The following AUTS2 variants were observed in gnomAD, a reference collection of about 807,000 sequenced individuals.
AUTS2 encodes the protein autism susceptibility gene 2 protein.
In AUTS2, 17 loss-of-function variants were observed where a neutral mutation model predicts 112.4. The ratio of observed to expected loss-of-function variants is 0.15; its 90% CI spans 0.10 to 0.23. AUTS2 has a LOEUF of 0.23. Among genes scored for constraint, AUTS2 ranks in the 10% least tolerant of loss-of-function variants. The probability of loss-of-function intolerance (pLI) is 1.00; values close to 1 mark genes in which losing one functional copy is unlikely to be tolerated. For missense variants in AUTS2, 1,510 were observed against 1,701.6 expected, an observed-to-expected ratio of 0.89 and a Z score of 1.98; for synonymous variants, 751 against 702.7, an observed-to-expected ratio of 1.07 and a Z score of -1.09.
intron 4 of AUTS2, among the ~76,000 whole-genome samples, chr7:70,259,686 T>A (rs1262900465): frequency 6.6e-6 from 1 of 152,224 alleles, no homozygotes; most frequent in Non-Finnish European, 1.5e-5. Context: ...AGGGATGGGC[T>A]GAAAAGAATA....
At position 70,214,478 on chromosome 7, in the gene AUTS2, A is replaced by G. The variant is rs574028250; in HGVS notation, c.660+79907A>G. Among the ~76,000 whole-genome samples, 29 of 152,344 alleles carry G rather than the reference A, an allele frequency of 1.9e-4. No homozygotes were observed. The South Asian group carries it at 5.4e-3, about 28-fold the overall frequency. The stretch of plus-strand genomic sequence containing the variant: ...TAATAAACAGTGTTGCATACAACAC[A>G]TGTTCCACAAAACACTCAGTCACAC... On this transcript the variant is annotated intron_variant, in intron 4 of 18. Transcript: ENST00000342771.
At chr7:70,315,352 T>C (rs531016782) in intron 4 of AUTS2, among the ~76,000 whole-genome samples, 7 of 152,338 alleles carry the variant, frequency 4.6e-5, no homozygotes, top group African/African-American at 1.4e-4. Context: ...AAATCCTTGC[T>C]CCACTACTTA....
intron 14 of AUTS2, among the ~76,000 whole-genome samples, 196 bp downstream of exon 14, chr7:70,777,370 C>A (rs1413741787): frequency 6.6e-6 from 1 of 152,108 alleles, no homozygotes; most frequent in Non-Finnish European, 1.5e-5. Flanking sequence ...ACTCTGTTGC[C>A]CAGGCTGGAG....
intron 2 of AUTS2, among the ~76,000 whole-genome samples, chr7:70,066,623 C>A (rs1391410945): frequency 6.6e-6 from 1 of 151,178 alleles, no homozygotes; most frequent in Non-Finnish European, 1.5e-5. Flanking sequence ...TCACTGCACT[C>A]CGTCTCCCGG....
chr7:70,627,258 G>A (rs895091257), intron 5 of AUTS2, among the ~76,000 whole-genome samples: 45 of 152,172 alleles, frequency 3.0e-4, no homozygotes, highest in African/African-American at 8.7e-4. Flanking sequence ...TTTCTCTGTT[G>A]ACTAGTGATG....
rs558327208 is a variant in AUTS2 at position 69,899,624 on chromosome 7, A to T, written c.522+126A>T. 10 of 875,644 alleles carry T rather than the reference A, an allele frequency of 1.1e-5. No homozygotes were observed. The East Asian group carries it at 1.8e-4, about 16-fold the overall frequency. 54.2% of individuals were successfully genotyped at this position (875,644 alleles called of 1,614,324 possible). A position where few individuals can be genotyped will look rare whatever the true frequency, so the allele number is the denominator to read the frequency against. On this transcript the variant is annotated intron_variant, in intron 2 of 18. Coordinates refer to ENST00000342771, the MANE Select transcript of AUTS2 (RefSeq NM_015570.4). ...GGTGGGATGCTGAAGTGGTTGTCCA[A>T]CAAAGCTGTGTGCGTGCCTTTAAAA... is the stretch of plus-strand genomic sequence containing the variant.
intron 1 of AUTS2, among the ~76,000 whole-genome samples, chr7:69,678,565 G>A (rs763808826): frequency 6.6e-6 from 1 of 152,230 alleles, no homozygotes; most frequent in Non-Finnish European, 1.5e-5. Context: ...CAGACAGGCT[G>A]AACTGGTGCT....
At chr7:69,669,935 A>T (rs1310447648) in intron 1 of AUTS2, among the ~76,000 whole-genome samples, 1 of 152,190 alleles carries the variant, frequency 6.6e-6, no homozygotes, top group African/African-American at 2.4e-5. Flanking sequence ...CTGCTTTCAC[A>T]GCCTGGCGAC....
chr7:70,107,459 T>G (rs1804830137), intron 2 of AUTS2, among the ~76,000 whole-genome samples: 1 of 147,262 alleles, frequency 6.8e-6, no homozygotes, highest in Non-Finnish European at 1.5e-5. Flanking sequence ...TTCTCCTGCC[T>G]CAGCCTCCCG....
rs936662892 is a variant in AUTS2, at chr7:70,142,243, C to T, written c.660+7672C>T. On this transcript the variant is annotated intron_variant, in intron 4 of 18. Coordinates refer to ENST00000342771, the MANE Select transcript of AUTS2 (RefSeq NM_015570.4). ...GTCCTCCTAACCCCCATCTCTGGCC[C>T]CTCAGATTTAGAGGGAAAAAATGAT... Among the ~76,000 whole-genome samples, 5 of 152,168 alleles carry T rather than the reference C, an allele frequency of 3.3e-5. No individual in the cohort carries two copies. In the East Asian group the frequency reaches 9.6e-4, roughly 29 times the overall value.
intron 6 of AUTS2, among the ~76,000 whole-genome samples, chr7:70,723,530 G>C (rs1435198494): frequency 6.6e-6 from 1 of 151,938 alleles, no homozygotes; most frequent in Non-Finnish European, 1.5e-5. Flanking sequence ...TGTTAAAGGA[G>C]CTCTTCTTTT....
intron 5 of AUTS2, among the ~76,000 whole-genome samples, chr7:70,656,384 G>A (rs1282284292): frequency 3.3e-5 from 5 of 151,560 alleles, no homozygotes; most frequent in African/African-American, 1.2e-4. Context: ...TTAATTCCAT[G>A]GTCTAAACTA....
intron 4 of AUTS2, among the ~76,000 whole-genome samples, chr7:70,232,466 C>T (rs773842563): frequency 4.0e-5 from 6 of 151,768 alleles, no homozygotes; most frequent in Admixed American, 6.6e-5. Context: ...TGCAGTGGCA[C>T]GATCTTGGTG....
At chr7:69,713,198 A>C (rs1318286210) in intron 1 of AUTS2, among the ~76,000 whole-genome samples, 3 of 152,200 alleles carry the variant, frequency 2.0e-5, no homozygotes, top group Non-Finnish European at 4.4e-5. Context: ...GGTATTTAGC[A>C]TATCTACCAC....
At chr7:70,536,707 C>A (rs1284934800) in intron 5 of AUTS2, among the ~76,000 whole-genome samples, 1 of 150,514 alleles carries the variant, frequency 6.6e-6, no homozygotes, top group South Asian at 2.1e-4. Context: ...TCAAGACCAG[C>A]CTGACCAACA....
chr7:69,824,360 G>T (rs1426340263), intron 1 of AUTS2, among the ~76,000 whole-genome samples: 1 of 151,546 alleles, frequency 6.6e-6, no homozygotes, highest in Non-Finnish European at 1.5e-5. Context: ...AGTGAGCCGA[G>T]ATCGCGCCAC....
chr7:70,225,789 C>T (rs944414508), intron 4 of AUTS2, among the ~76,000 whole-genome samples: 4 of 151,984 alleles, frequency 2.6e-5, no homozygotes, highest in African/African-American at 9.7e-5. Context: ...GCTCTTTTTT[C>T]TCAAGTTAGT....
At chr7:70,248,468 T>C (rs1386880826) in intron 4 of AUTS2, among the ~76,000 whole-genome samples, 1 of 152,158 alleles carries the variant, frequency 6.6e-6, no homozygotes, top group Non-Finnish European at 1.5e-5. Flanking sequence ...ACTATATAGA[T>C]TGATTTTTTT....
At chr7:69,601,118 CCT>C (rs1197818650) in intron 1 of AUTS2, among the ~76,000 whole-genome samples, 2 of 151,978 alleles carry the variant, frequency 1.3e-5, no homozygotes, top group African/African-American at 4.8e-5. Context: ...TCCTCCCCCA[CCT>C]CCCTGTCCCC....
Sources: allele counts gnomAD v4.1 joint callset (sites outside exome capture counted in the v4.1 genomes callset), GRCh38; gene constraint gnomAD v4.1.1; transcripts MANE v1.5; gene names NCBI Gene and HGNC (gene_info 2026-07-23, HGNC 2026-07-21).